Variants in NTM observed in about 807,000 individuals in gnomAD.
NTM encodes IgLON family member 2.
A neutral mutation model predicts 42.1 loss-of-function variants in NTM; 13 were observed. That is an observed-to-expected ratio of 0.31 (90% CI 0.20 to 0.49). The LOEUF (loss-of-function observed/expected upper bound fraction) is 0.49. Among genes scored for constraint, NTM ranks in the 20% least tolerant of loss-of-function variants. The pLI is 0.99. For missense variants in NTM, 373 were observed against 452.8 expected, an observed-to-expected ratio of 0.82 and a Z score of 1.60; for synonymous variants, 187 against 179.2, an observed-to-expected ratio of 1.04 and a Z score of -0.35.
chr11:131,867,064 C>A (rs748205851), intron 1 of NTM, among the ~76,000 whole-genome samples: 1 of 152,136 alleles, frequency 6.6e-6, no homozygotes, highest in African/African-American at 2.4e-5. Context: ...GGACAGGGTG[C>A]AATCGCAGGA....
At chr11:131,849,267 G>A (rs2045259384) in intron 1 of NTM, among the ~76,000 whole-genome samples, 1 of 152,166 alleles carries the variant, frequency 6.6e-6, no homozygotes, top group Non-Finnish European at 1.5e-5. Context: ...TTGCATTGCT[G>A]TAAAGAAATA....
chr11:131,942,802 T>C (rs1291206269), intron 2 of NTM, among the ~76,000 whole-genome samples: 1 of 151,810 alleles, frequency 6.6e-6, no homozygotes, highest in Non-Finnish European at 1.5e-5. Context: ...AAAAATTAGC[T>C]GGGCATGGTG....
At position 131,967,637 on chromosome 11, in the gene NTM, G is replaced by A. The variant is rs567402830; in HGVS notation, c.167+55989G>A. 2.4e-4 allele frequency among the ~76,000 whole-genome samples: 37 copies of A among 152,284 alleles called. No homozygotes were observed. In the South Asian group the frequency reaches 4.8e-3, roughly 20 times the overall value. On this transcript the variant is annotated intron_variant, in intron 2 of 8. Transcript: ENST00000683400. ...CTTCCCTTTCACTCAGTTCAAAACAGCAATCACCAGATCAATAGAGAAGAA... is the reference window on the plus strand; with the variant it reads ...CTTCCCTTTCACTCAGTTCAAAACAACAATCACCAGATCAATAGAGAAGAA...
intron 7 of NTM, among the ~76,000 whole-genome samples, chr11:132,329,179 G>A (rs958942056): frequency 6.6e-6 from 1 of 152,160 alleles, no homozygotes; most frequent in African/African-American, 2.4e-5. Context: ...CTGTATGCGA[G>A]GACCTTTGCA....
intron 1 of NTM, among the ~76,000 whole-genome samples, chr11:131,649,929 C>T (rs994033567): frequency 6.6e-6 from 1 of 152,186 alleles, no homozygotes; most frequent in African/African-American, 2.4e-5. Flanking sequence ...GCCCATAGGT[C>T]AACAGTGGTG....
chr11:131,590,998 C>A (rs11822932), intron 1 of NTM, among the ~76,000 whole-genome samples: 9 of 152,142 alleles, frequency 5.9e-5, no homozygotes, highest in African/African-American at 1.2e-4. Context: ...CTCCGGGTAA[C>A]CTGAGGTGAC....
At chr11:131,831,182 G>GGATA (rs1386390476) in intron 1 of NTM, among the ~76,000 whole-genome samples, 1 of 151,972 alleles carries the variant, frequency 6.6e-6, no homozygotes, top group Non-Finnish European at 1.5e-5. Flanking sequence ...TGATTGCTGT[G>GGATA]GATAGGACTT....
intron 2 of NTM, among the ~76,000 whole-genome samples, chr11:132,086,089 C>T (rs549087977): frequency 5.6e-4 from 85 of 152,114 alleles, no homozygotes; most frequent in African/African-American, 2.0e-3. Flanking sequence ...CTTTGGGAGG[C>T]CGAGGTGGGT....
intron 2 of NTM, among the ~76,000 whole-genome samples, chr11:132,013,192 G>A (rs1004388816): frequency 3.9e-5 from 6 of 152,210 alleles, no homozygotes; most frequent in Middle Eastern, 3.4e-3. Context: ...TGAAGGTAAG[G>A]TTCAGAAGAA....
intron 2 of NTM, among the ~76,000 whole-genome samples, chr11:132,135,954 T>C (rs182197961): frequency 6.6e-6 from 1 of 152,274 alleles, no homozygotes; most frequent in East Asian, 1.9e-4. Flanking sequence ...TTCCCCAAGG[T>C]GCCACGTCAC....
At chr11:132,307,043 C>T (rs1291856757) in intron 4 of NTM, among the ~76,000 whole-genome samples, 2 of 152,208 alleles carry the variant, frequency 1.3e-5, no homozygotes, top group African/African-American at 2.4e-5. Flanking sequence ...ATGCTTACAA[C>T]TAGGCATCGA....
chr11:131,981,045 T>C (rs2065149233), intron 2 of NTM: 1 of 152,180 alleles, frequency 6.6e-6, no homozygotes, highest in African/African-American at 2.4e-5. Flanking sequence ...GAGGTAATCC[T>C]TTTATAACCT....
chr11:131,718,522 G>A (rs973940414), intron 1 of NTM, among the ~76,000 whole-genome samples: 1 of 152,266 alleles, frequency 6.6e-6, no homozygotes, highest in Non-Finnish European at 1.5e-5. Context: ...TTTCCATTCT[G>A]TCTGGTAGGA....
intron 7 of NTM, among the ~76,000 whole-genome samples, chr11:132,328,957 C>T (rs1225861543): frequency 6.6e-6 from 1 of 152,134 alleles, no homozygotes; most frequent in Non-Finnish European, 1.5e-5. Flanking sequence ...TTCTCAATCA[C>T]AAAACTTTTG....
chr11:131,533,266 T>A (rs1457486595), intron 1 of NTM, among the ~76,000 whole-genome samples: 1 of 152,148 alleles, frequency 6.6e-6, no homozygotes, highest in Admixed American at 6.5e-5. Context: ...GTGAAAGCCA[T>A]TGGATTAGAA....
At chr11:132,333,705 A>T (rs73601231) in intron 8 of NTM, among the ~76,000 whole-genome samples, 4,748 of 152,150 alleles carry the variant, frequency 0.031, 249 homozygotes, top group African/African-American at 0.11. Flanking sequence ...GGCCTTAGGG[A>T]TACTGTGAAT....
At chr11:132,022,710 T>C (rs1565966247) in intron 2 of NTM, among the ~76,000 whole-genome samples, 2 of 152,240 alleles carry the variant, frequency 1.3e-5, no homozygotes, top group Non-Finnish European at 2.9e-5. Context: ...CAGACAGCTT[T>C]ATCCCTGAAG....
chr11:131,608,108 C>T (rs2061146495), intron 1 of NTM, among the ~76,000 whole-genome samples: 1 of 152,098 alleles, frequency 6.6e-6, no homozygotes, highest in Admixed American at 6.5e-5. Flanking sequence ...CATGTGTTCT[C>T]ATTGTTCAAT....
At chr11:132,289,471 C>G (rs566749384) in intron 4 of NTM, among the ~76,000 whole-genome samples, 1 of 152,106 alleles carries the variant, frequency 6.6e-6, no homozygotes, top group Non-Finnish European at 1.5e-5. Context: ...TCCTTCTCTC[C>G]GTGATTTCCC....
Sources: allele counts gnomAD v4.1 joint callset (sites outside exome capture counted in the v4.1 genomes callset), GRCh38; gene constraint gnomAD v4.1.1; transcripts MANE v1.5; gene names NCBI Gene and HGNC (gene_info 2026-07-23, HGNC 2026-07-21).